CAMTA1: variants seen among roughly 807,000 people sequenced by gnomAD.
CAMTA1 encodes the protein calmodulin-binding transcription activator 1.
In CAMTA1, 27 loss-of-function variants were observed where a neutral mutation model predicts 170.9. The ratio of observed to expected loss-of-function variants is 0.16; its 90% CI spans 0.12 to 0.22. CAMTA1 has a LOEUF of 0.22. Ranked by LOEUF, CAMTA1 falls within the 10% of genes least tolerant of loss-of-function variation. CAMTA1 has a pLI of 1.00. For synonymous variants in CAMTA1, 833 were observed against 891.5 expected (o/e 0.93, Z 1.17); for missense variants, 1,619 against 2,217.2 (o/e 0.73, Z 5.42).
rs3034816 is a variant in CAMTA1 at position 7,579,552 on chromosome 1, C to CTTTTTTTTTTTTTTTTTTTTTTTTTT, written c.511-60823_511-60822insTTTTTTTTTTTTTTTTTTTTTTTTTT. On this transcript the variant is annotated intron_variant, in intron 6 of 22. Transcript: ENST00000303635. ...GGTCCACTTTCTTTTCTTTTCTTTTCTTTTTTTTTTTTTTTTTTTTTTTTT... is the reference window on the plus strand; with the variant it reads ...GGTCCACTTTCTTTTCTTTTCTTTTCTTTTTTTTTTTTTTTTTTTTTTTTTTTTTTTTTTTTTTTTTTTTTTTTTTT... Among the ~76,000 whole-genome samples the CTTTTTTTTTTTTTTTTTTTTTTTTTT allele has an allele frequency of 9.1e-4, 72 of 79,200 alleles. 4 individuals carry two copies. Among genetic ancestry groups the CTTTTTTTTTTTTTTTTTTTTTTTTTT allele is most frequent in the African/African-American group, 2.4e-3 (40 of 16,968 alleles). 52.0% of individuals were successfully genotyped at this position (79,200 alleles called of 152,430 possible).
chr1:7,107,317 C>T (rs1331062429), intron 4 of CAMTA1, among the ~76,000 whole-genome samples: 1 of 150,362 alleles, frequency 6.7e-6, no homozygotes, highest in East Asian at 2.0e-4. Flanking sequence ...CCCACACACA[C>T]AGCTGTGGGA....
chr1:7,619,411 G>T (rs2095581803), intron 6 of CAMTA1, among the ~76,000 whole-genome samples: 2 of 152,152 alleles, frequency 1.3e-5, no homozygotes, highest in Non-Finnish European at 2.9e-5. Flanking sequence ...TGCAGTCCAG[G>T]TTCACATGAC....
intron 4 of CAMTA1, among the ~76,000 whole-genome samples, chr1:7,231,455 C>G (rs929456225): frequency 6.6e-6 from 1 of 152,092 alleles, no homozygotes; most frequent in African/African-American, 2.4e-5. Context: ...TCACTGCAAC[C>G]TCTGCCTCCC....
intron 5 of CAMTA1, among the ~76,000 whole-genome samples, chr1:7,359,465 C>T (rs770732248): frequency 2.0e-5 from 3 of 152,154 alleles, no homozygotes; most frequent in Non-Finnish European, 4.4e-5. Context: ...GTGAACAGGA[C>T]GCAGAGGACT....
chr1:7,756,209 T>C (rs1196927798), intron 22 of CAMTA1, among the ~76,000 whole-genome samples: 1 of 151,970 alleles, frequency 6.6e-6, no homozygotes, highest in African/African-American at 2.4e-5. Flanking sequence ...TCTAAATCTC[T>C]CCCTCCCTGG....
intron 3 of CAMTA1, among the ~76,000 whole-genome samples, chr1:6,856,269 G>C (rs143341544): frequency 1.9e-4 from 29 of 151,362 alleles, no homozygotes; most frequent in African/African-American, 6.5e-4. Context: ...GGCCAAGATG[G>C]AACCAGTGTT....
intron 3 of CAMTA1, among the ~76,000 whole-genome samples, chr1:6,865,850 A>G (rs1666407727): frequency 6.6e-6 from 1 of 152,236 alleles, no homozygotes; most frequent in African/African-American, 2.4e-5. Context: ...CCCAGGTTCA[A>G]GGACGGCGTG....
chr1:7,147,645 TACAC>T (rs1212253416), intron 4 of CAMTA1, among the ~76,000 whole-genome samples: 1 of 132,414 alleles, frequency 7.6e-6, no homozygotes, highest in Non-Finnish European at 1.6e-5. Context: ...ACACCACAAA[TACAC>T]ATACTCAAAT....
chr1:6,827,865 G>A (rs976531058), intron 3 of CAMTA1, among the ~76,000 whole-genome samples: 3 of 152,166 alleles, frequency 2.0e-5, no homozygotes, highest in Admixed American at 6.6e-5. Context: ...CTGTGTTTTG[G>A]ATGAGGACCA....
At chr1:7,310,889 C>G (rs946841389) in intron 5 of CAMTA1, among the ~76,000 whole-genome samples, 1 of 151,678 alleles carries the variant, frequency 6.6e-6, no homozygotes, top group Non-Finnish European at 1.5e-5. Flanking sequence ...TGCTACCATG[C>G]CCGACTAATT....
intron 3 of CAMTA1, among the ~76,000 whole-genome samples, chr1:6,916,517 C>G (rs1680838716): frequency 6.6e-6 from 1 of 152,228 alleles, no homozygotes; most frequent in African/African-American, 2.4e-5. Flanking sequence ...TCAATTCTCT[C>G]TCCTTCTTTA....
intron 5 of CAMTA1, among the ~76,000 whole-genome samples, chr1:7,256,485 G>A (rs1360702500): frequency 3.3e-5 from 5 of 152,160 alleles, no homozygotes; most frequent in East Asian, 1.9e-4. Context: ...GCGTGAACCC[G>A]GGAGGCGCAG....
chr1:7,747,350 A>G (rs2096864393), intron 18 of CAMTA1, among the ~76,000 whole-genome samples: 2 of 152,206 alleles, frequency 1.3e-5, no homozygotes, highest in Non-Finnish European at 1.5e-5. Context: ...ACCACTCCCA[A>G]AAAAGTGTTA....
intron 5 of CAMTA1, among the ~76,000 whole-genome samples, chr1:7,359,829 G>A (rs1349655366): frequency 6.6e-6 from 1 of 152,142 alleles, no homozygotes; most frequent in Non-Finnish European, 1.5e-5. Flanking sequence ...GTCTGCGTGG[G>A]GTTTTTCAGA....
rs969077771 is a variant in CAMTA1, at chr1:7,013,209, C to CTT, written c.235-78073_235-78072dup. Among the ~76,000 whole-genome samples, 247 of 84,152 alleles carry CTT rather than the reference C, an allele frequency of 2.9e-3. 9 individuals are homozygous for CTT. The highest frequency in any genetic ancestry group is 5.3e-3 in the African/African-American group (100 of 18,788). 55.2% of individuals were successfully genotyped at this position (84,152 alleles called of 152,430 possible). ...TCCAGGCCCTGCCTTTGCCCTTCTT[C>CTT]TTTTTTTTTTTTTTTTTTTTTTTGA... is the stretch of plus-strand genomic sequence containing the variant. On this transcript the variant is annotated intron_variant, in intron 3 of 22. Coordinates refer to ENST00000303635, the MANE Select transcript of CAMTA1 (RefSeq NM_015215.4).
intron 5 of CAMTA1, among the ~76,000 whole-genome samples, chr1:7,313,469 G>A (rs1677041888): frequency 2.0e-5 from 3 of 152,312 alleles, no homozygotes; most frequent in South Asian, 4.1e-4. Context: ...AGCGGTAGAC[G>A]TCCTCGTTAG....
At chr1:7,757,868 G>A (rs1007795962) in intron 22 of CAMTA1, among the ~76,000 whole-genome samples, 7 of 152,122 alleles carry the variant, frequency 4.6e-5, no homozygotes, top group South Asian at 2.1e-4. Context: ...ATACTCTTAC[G>A]TAAACTTAAC....
chr1:7,272,712 A>AAAAAAAAAAAAAAAAAAAG (rs1670017608), intron 5 of CAMTA1, among the ~76,000 whole-genome samples: 11 of 109,886 alleles, frequency 1.0e-4, no homozygotes, highest in African/African-American at 1.2e-4. Context: ...AAAAAAAAAA[A>AAAAAAAAAAAAAAAAAAAG]AAAAGAAAAG....
intron 4 of CAMTA1, among the ~76,000 whole-genome samples, chr1:7,201,630 C>G (rs1413350684): frequency 6.6e-6 from 1 of 152,136 alleles, no homozygotes; most frequent in Non-Finnish European, 1.5e-5. Context: ...TCCCTGATAG[C>G]TAATAATATC....
Sources: allele counts gnomAD v4.1 joint callset (sites outside exome capture counted in the v4.1 genomes callset), GRCh38; gene constraint gnomAD v4.1.1; transcripts MANE v1.5; gene names NCBI Gene and HGNC (gene_info 2026-07-23, HGNC 2026-07-21).